ZNF320: variants seen among roughly 807,000 people sequenced by gnomAD.
ZNF320 encodes zinc finger gene 320.
A neutral mutation model predicts 6.8 loss-of-function variants in ZNF320; 2 were observed. The ratio of observed to expected loss-of-function variants is 0.29; its 90% CI spans 0.12 to 0.93. ZNF320 has a LOEUF of 0.93. Among genes scored for constraint, ZNF320 ranks in the 40% least tolerant of loss-of-function variants. ZNF320 has a pLI of 0.55. For missense variants in ZNF320, 472 were observed against 611.0 expected (o/e 0.77, Z 2.40); for synonymous variants, 208 against 203.2 (o/e 1.02, Z -0.20).
chr19:52,884,664 C>T (rs912194173), intron 5 of ZNF320, among the ~76,000 whole-genome samples: 1 of 152,062 alleles, frequency 6.6e-6, no homozygotes, highest in African/African-American at 2.4e-5. Context: ...GTTGGCCAGA[C>T]TGTTTTCAAA....
In ZNF320 at chr19:52,865,470, T is replaced by TATATAA. The variant is rs1414636050; in HGVS notation, c.224-1312_224-1311insTTATAT. 85 of 40,316 alleles carry TATATAA rather than the reference T, an allele frequency of 2.1e-3. 4 individuals are homozygous for TATATAA. The highest frequency in any genetic ancestry group is 8.7e-3 in the African/African-American group (82 of 9,382). The allele number at this position is 40,316 out of a possible 1,614,324, so 2.5% of individuals were successfully genotyped here. On this transcript the variant is annotated intron_variant, in intron 5 of 5. Coordinates refer to the ZNF320 transcript ENST00000673631. The stretch of plus-strand genomic sequence containing the variant: ...TATATATGTAATACATATATATATA[T>TATATAA]TACATATATATATAATACATATATA...
exon 6 of ZNF320, chr19:52,862,669 G>A (rs1404012935): frequency 1.7e-6 from 1 of 585,526 alleles, no homozygotes; most frequent in African/African-American, 1.9e-5. Context: ...CATTACACTT[G>A]TAAGGTTTCT....
At chr19:52,863,214 CAT>C (rs1258905783) in exon 6 of ZNF320, among the ~76,000 whole-genome samples, 1 of 152,028 alleles carries the variant, frequency 6.6e-6, no homozygotes, top group Non-Finnish European at 1.5e-5. Context: ...ATATATAATA[CAT>C]AGAAGTATAT....
At chr19:52,899,741 G>A (rs761938921), upstream of ZNF320, among the ~76,000 whole-genome samples, 17 of 152,282 alleles carry the variant, frequency 1.1e-4, no homozygotes, top group Middle Eastern at 3.4e-3. Flanking sequence ...GATTACAGGC[G>A]TGAGCCACCG....
At chr19:52,867,181 A>ATTTATTT (rs1568695454) in intron 5 of ZNF320, among the ~76,000 whole-genome samples, 1 of 151,488 alleles carries the variant, frequency 6.6e-6, no homozygotes, top group East Asian at 1.9e-4. Context: ...TTAATTAATT[A>ATTTATTT]ATTAATTAAT....
chr19:52,885,149 C>G (rs2064035285), intron 5 of ZNF320, among the ~76,000 whole-genome samples: 1 of 151,818 alleles, frequency 6.6e-6, no homozygotes, highest in African/African-American at 2.4e-5. Context: ...TTGCAGTGAC[C>G]CAAGATCACA....
Position 52,881,738 on chromosome 19 carries a change from G to T in ZNF320, c.388C>A (p.His130Asn). ...TSSTDRYDQR[H>N]AGNKPIKGQL... ...CCTTTAATAGGCTTGTTTCCAGCAT[G>T]CCTTTGATCATATCGGTCTGTACTA... is the stretch of plus-strand genomic sequence containing the variant. Residue 130 changes from histidine to asparagine, a missense_variant, in exon 6 of 6, where the codon CAT becomes AAT. Transcript: ENST00000682928. The T allele has an allele frequency of 6.2e-7, 1 of 1,613,936 alleles. No homozygotes were observed. Among genetic ancestry groups the T allele is most frequent in the Non-Finnish European group, 8.5e-7 (1 of 1,179,872 alleles).
rs1484472419 is a variant in ZNF320 at position 52,878,908 on chromosome 19, G to A, written c.*1688C>T. The stretch of plus-strand genomic sequence containing the variant: ...ACCATTCTGCCCAGGCTGGTCTTGA[G>A]TACCGGGGCCCACGTGACCCAACTG... On this transcript the variant is annotated 3_prime_UTR_variant, in exon 6 of 6. Transcript: ENST00000682928. 6.6e-6 allele frequency: 1 copy of A among 152,202 alleles called. No homozygotes were observed. Among genetic ancestry groups the A allele is most frequent in the Non-Finnish European group, 1.5e-5 (1 of 68,046 alleles). The allele number at this position is 152,202 out of a possible 1,614,324, so 9.4% of individuals were successfully genotyped here.
At chr19:52,872,981 A>G (rs987122227), downstream of ZNF320, among the ~76,000 whole-genome samples, 2 of 152,122 alleles carry the variant, frequency 1.3e-5, no homozygotes, top group Non-Finnish European at 2.9e-5. Flanking sequence ...TTTATGTTTG[A>G]CTTTACACAA....
rs1306469590 is a variant in ZNF320 at position 52,891,359 on chromosome 19, G to GA, written c.-191-14dup. ...ACAGAGTGAGACTCTGTTTGAGGAA[G>GA]AGAAAAAAAAAAGCGTTTCTGATGT... On this transcript the variant is annotated splice_polypyrimidine_tract_variant and intron_variant, in intron 2 of 5. Coordinates refer to ENST00000682928, the MANE Select transcript of ZNF320 (RefSeq NM_001351774.2). 54 of 138,376 alleles carry GA rather than the reference G, an allele frequency of 3.9e-4. No individual in the cohort carries two copies. The highest frequency in any genetic ancestry group is 3.3e-3 in the South Asian group (13 of 3,896). The allele number at this position is 138,376 out of a possible 1,614,324, so 8.6% of individuals were successfully genotyped here. A position where few individuals can be genotyped will look rare whatever the true frequency, so the allele number is the denominator to read the frequency against.
chr19:52,864,234 T>C (rs891325261), intron 5 of ZNF320: 3 of 166,986 alleles, frequency 1.8e-5, no homozygotes, highest in Non-Finnish European at 3.9e-5. Flanking sequence ...AAATGGGAAA[T>C]TAAGTATCGA....
At chr19:52,867,690 A>T (rs2063601640) in intron 5 of ZNF320, among the ~76,000 whole-genome samples, 1 of 150,504 alleles carries the variant, frequency 6.6e-6, no homozygotes, top group Non-Finnish European at 1.5e-5. Context: ...TGGCTCACAG[A>T]AACATCCGCC....
chr19:52,896,826 C>T (rs2064488201), intron 1 of ZNF320, among the ~76,000 whole-genome samples: 1 of 152,194 alleles, frequency 6.6e-6, no homozygotes, highest in South Asian at 2.1e-4. Flanking sequence ...ATCTCCCCAT[C>T]CGGAGTAACA....
At chr19:52,865,703 T>TTA (rs1317728490) in intron 5 of ZNF320, among the ~76,000 whole-genome samples, 1 of 128,504 alleles carries the variant, frequency 7.8e-6, no homozygotes, top group Non-Finnish European at 1.5e-5. Context: ...ATACATATAT[T>TTA]TATATATGAT....
rs1279880259 is a variant in ZNF320, at chr19:52,891,347, CTGTT to C, written c.-191-5_-191-2del. ...ACAGCCTGAAGGACAGAGTGAGACT[CTGTT>C]TGAGGAAGAGAAAAAAAAAAGCGTT... On this transcript the variant is annotated splice_acceptor_variant and splice_polypyrimidine_tract_variant and intron_variant, in intron 2 of 5. Coordinates refer to ENST00000682928, the MANE Select transcript of ZNF320 (RefSeq NM_001351774.2). LOFTEE classifies it low-confidence loss of function (5UTR_SPLICE). 1.3e-5 allele frequency: 2 copies of C among 148,842 alleles called. No homozygotes were observed. The highest frequency in any genetic ancestry group is 5.0e-5 in the African/African-American group (2 of 40,298). 9.2% of individuals were successfully genotyped at this position (148,842 alleles called of 1,614,324 possible).
At chr19:52,863,950 A>C in exon 6 of ZNF320, 1 of 416,308 alleles carries the variant, frequency 2.4e-6, no homozygotes, top group East Asian at 7.1e-5. Flanking sequence ...TATGGGGCAA[A>C]ATCACAAAAG....
rs2063829289 is a variant in ZNF320 at position 52,878,664 on chromosome 19, C to A, written c.*1932G>T. The A allele has an allele frequency of 6.6e-6, 1 of 152,104 alleles. No homozygotes were observed. The highest frequency in any genetic ancestry group is 6.6e-5 in the Admixed American group (1 of 15,256). 9.4% of individuals were successfully genotyped at this position (152,104 alleles called of 1,614,324 possible). A position where few individuals can be genotyped will look rare whatever the true frequency, so the allele number is the denominator to read the frequency against. On this transcript the variant is annotated 3_prime_UTR_variant, in exon 6 of 6. Coordinates refer to ENST00000682928, the MANE Select transcript of ZNF320 (RefSeq NM_001351774.2). ...CCTTTTCATAAAGCATCAATGATTT[C>A]ATTGTCCCTCTACCCAAACTTTACC...
chr19:52,862,506 A>G (rs1375146064), exon 6 of ZNF320: 1 of 356,942 alleles, frequency 2.8e-6, no homozygotes. Context: ...CACTTGTAAG[A>G]TCTCTCTTCA....
At position 52,881,093 on chromosome 19, in the gene ZNF320, C is replaced by G. The variant is rs571851755; in HGVS notation, c.1033G>C (p.Glu345Gln). The G allele has an allele frequency of 2.4e-5, 38 of 1,614,128 alleles. No homozygotes were observed. The East Asian group carries it at 4.5e-4, about 19-fold the overall frequency. The change falls in exon 6 of 6, where the codon GAA becomes CAA. Residue 345 changes from glutamate (E) to glutamine (Q), a missense_variant. Glu to Gln is a conservative substitution (Grantham distance 29). Around this residue, in one of 2 missense-constraint regions of ZNF320, gnomAD observed 462 missense variants for 559.7 expected, o/e 0.83. Coordinates refer to ENST00000682928, the MANE Select transcript of ZNF320 (RefSeq NM_001351774.2). ...DKVFSRKSHL[E>Q]RHRRIHTGEK... The stretch of plus-strand genomic sequence containing the variant: ...CCAGTATGAATCCTCCTATGTCTTT[C>G]AAGATGTGATTTGCGACTGAAAACT...
Sources: allele counts gnomAD v4.1 joint callset (sites outside exome capture counted in the v4.1 genomes callset), GRCh38; gene constraint gnomAD v4.1.1; regional missense constraint gnomAD v4.1.1; transcripts MANE v1.5; gene names NCBI Gene and HGNC (gene_info 2026-07-23, HGNC 2026-07-21).